Variants in NCAPD3 observed in about 807,000 individuals in gnomAD.
NCAPD3 encodes non-SMC condensin II complex subunit D3, also known as condensin-2 complex subunit D3.
A neutral mutation model predicts 182.9 loss-of-function variants in NCAPD3; 105 were observed. That is an observed-to-expected ratio of 0.57 (90% CI 0.49 to 0.68). The LOEUF (loss-of-function observed/expected upper bound fraction) is 0.68. Ranked by LOEUF, NCAPD3 falls within the 30% of genes least tolerant of loss-of-function variation. The pLI, the probability that NCAPD3 is intolerant of heterozygous loss-of-function variation, is 0.00. For synonymous variants in NCAPD3, 815 were observed against 679.9 expected (o/e 1.20, Z -3.09); for missense variants, 1,944 against 1,837.0 (o/e 1.06, Z -1.07).
At chr11:134,157,281 C>G (rs1298586551) in intron 31 of NCAPD3, among the ~76,000 whole-genome samples, 186 bp from the exon 32 acceptor site, 1 of 152,068 alleles carries the variant, frequency 6.6e-6, no homozygotes, top group Non-Finnish European at 1.5e-5. Context: ...AATGTCCATT[C>G]TCATTAGGAT....
At chr11:134,213,748 C>G (rs1371232027) in intron 3 of NCAPD3, among the ~76,000 whole-genome samples, 1 of 151,924 alleles carries the variant, frequency 6.6e-6, no homozygotes, top group Non-Finnish European at 1.5e-5. Context: ...ATGTACCAAC[C>G]AAGGACAAAT....
chr11:134,210,487 G>A lies in NCAPD3; in HGVS notation c.383-33C>T. The A allele has an allele frequency of 1.9e-6, 3 of 1,567,950 alleles. No individual in the cohort carries two copies. In the South Asian group the frequency reaches 3.4e-5, roughly 18 times the overall value. On this transcript the variant is annotated intron_variant, in intron 3 of 34. Transcript: ENST00000534548. ...TGAGGAATAAAGAGTAAGCAAGTTA[G>A]ATTTAATTGTCTTGAAATATATCTA... is the stretch of plus-strand genomic sequence containing the variant.
rs769217817 is a variant in NCAPD3 at position 134,192,816 on chromosome 11, G to T, written c.1918C>A (p.Leu640Met). The change falls in exon 16 of 35, where the codon CTG becomes ATG. Residue 640 changes from leucine to methionine, a missense_variant. Leu to Met is a conservative substitution (Grantham distance 15). Coordinates refer to ENST00000534548, the MANE Select transcript of NCAPD3 (RefSeq NM_015261.3). ...DCESTVQEKA[L>M]EFLDQLLLQN... is the part of the protein sequence containing the mutation. ...AGCAGCAGCTGGTCCAGGAACTCCA[G>T]GGCCTTCTCCTGCACAGTGCTCTCG... The T allele has an allele frequency of 5.0e-6, 8 of 1,614,076 alleles. No individual in the cohort carries two copies.
At chr11:134,160,477 G>T (rs1031065675) in intron 28 of NCAPD3, among the ~76,000 whole-genome samples, 5 of 152,124 alleles carry the variant, frequency 3.3e-5, no homozygotes, top group Non-Finnish European at 5.9e-5. Context: ...CACAGCCTCT[G>T]GAGCAAGTCC....
In NCAPD3 at chr11:134,153,333, C is replaced by A. The variant is rs1226535740; in HGVS notation, c.4283G>T (p.Gly1428Val). The A allele has an allele frequency of 8.1e-6, 13 of 1,614,040 alleles. No individual in the cohort carries two copies. The highest frequency in any genetic ancestry group is 1.3e-5 in the African/African-American group (1 of 74,920). The change falls in exon 33 of 35, where the codon GGG (glycine) becomes GTG (valine). Residue 1428 changes from glycine to valine, a missense_variant. Around this residue, in one of 3 missense-constraint regions of NCAPD3, gnomAD observed 1,803 missense variants for 1,674.6 expected, o/e 1.08. Transcript: ENST00000534548. Reference protein sequence around the residue: ...KSISDVTFGAGVSYIGTPRTP... With the variant: ...KSISDVTFGAVVSYIGTPRTP... ...CCGTGGTGTCCCGATGTAACTGACC[C>A]CTGCTCCAAACGTGACATCACTGAT...
At chr11:134,165,440 G>T (rs535505816) in intron 27 of NCAPD3, among the ~76,000 whole-genome samples, 2 of 148,730 alleles carry the variant, frequency 1.3e-5, no homozygotes, top group South Asian at 4.4e-4. Context: ...CTCGTGAGAT[G>T]AGCTTAGGGG....
chr11:134,181,165 C>T lies in NCAPD3; in HGVS notation c.2471G>A (p.Cys824Tyr). The change falls in exon 20 of 35, where the codon TGT (cysteine) becomes TAT (tyrosine). Residue 824 changes from cysteine to tyrosine, a missense_variant. By Grantham distance (194) the Cys-to-Tyr change is radical. This residue lies in a region of NCAPD3 where 1,803 missense variants were observed against 1,674.6 expected (regional missense o/e 1.08). Transcript: ENST00000534548. ...CTCGCAGGTGGAGAGTACATCCCCA[C>T]ACACCTGCGTCAGCAATTCCTACGG... ...AEEQELLTQV[C>Y]GDVLSTCEHR... 2 of 1,613,880 alleles carry T rather than the reference C, an allele frequency of 1.2e-6. No homozygotes were observed. Among genetic ancestry groups the T allele is most frequent in the Non-Finnish European group, 1.7e-6 (2 of 1,179,836 alleles).
chr11:134,197,853 C>G (rs550403982), intron 13 of NCAPD3, among the ~76,000 whole-genome samples: 1 of 152,282 alleles, frequency 6.6e-6, no homozygotes, highest in South Asian at 2.1e-4. Context: ...GATAAAAACT[C>G]AGCAAGCTTG....
intron 16 of NCAPD3, among the ~76,000 whole-genome samples, chr11:134,188,529 C>A (rs940805018): frequency 2.6e-5 from 4 of 152,236 alleles, no homozygotes; most frequent in Admixed American, 2.0e-4. Context: ...TGAACTGTAA[C>A]ACCGCAAGGG....
intron 29 of NCAPD3, among the ~76,000 whole-genome samples, chr11:134,159,354 TAAGTA>T (rs531990500): frequency 1.0e-3 from 153 of 152,380 alleles, no homozygotes; most frequent in African/African-American, 3.5e-3. Context: ...AGCAAGTCCA[TAAGTA>T]ATGTACTTTG....
At chr11:134,183,889 T>C (rs1944346215) in intron 19 of NCAPD3, among the ~76,000 whole-genome samples, 2 of 152,196 alleles carry the variant, frequency 1.3e-5, no homozygotes, top group Admixed American at 6.5e-5. Flanking sequence ...TTTCTTTTAT[T>C]CTGGAAAACT....
intron 19 of NCAPD3, among the ~76,000 whole-genome samples, chr11:134,183,448 A>G (rs1944338660): frequency 6.6e-6 from 1 of 152,126 alleles, no homozygotes; most frequent in Admixed American, 6.6e-5. Flanking sequence ...TGTGCCTGTA[A>G]TCCCAGCTAC....
chr11:134,212,375 T>TTTTG (rs1555142796), intron 3 of NCAPD3, among the ~76,000 whole-genome samples: 4 of 143,172 alleles, frequency 2.8e-5, no homozygotes, highest in Non-Finnish European at 6.1e-5. Context: ...TTTTGTTGTT[T>TTTTG]TGTGTGTGTG....
Position 134,194,645 on chromosome 11 carries a change from T to C in NCAPD3, c.1689+20A>G, listed in dbSNP as rs1125399. On this transcript the variant is annotated intron_variant, in intron 14 of 34. Coordinates refer to ENST00000534548, the MANE Select transcript of NCAPD3 (RefSeq NM_015261.3). ...AGTTTTTAGTGCTTAAAAAAAAAAATGTGCAGAGAAAACTCCCACCTGCAG... is the reference window on the plus strand; with the variant it reads ...AGTTTTTAGTGCTTAAAAAAAAAAACGTGCAGAGAAAACTCCCACCTGCAG... The C allele has an allele frequency of 0.23, 349,320 of 1,522,142 alleles. 42,704 individuals carry two copies. The highest frequency in any genetic ancestry group is 0.39 in the African/African-American group (26,946 of 69,922). The allele number at this position is 1,522,142 out of a possible 1,614,324, so 94.3% of individuals were successfully genotyped here.
chr11:134,168,663 C>T lies in NCAPD3; in HGVS notation c.3240-61G>A, dbSNP rs926487706. 30 of 1,601,296 alleles carry T rather than the reference C, an allele frequency of 1.9e-5. No individual in the cohort carries two copies. The East Asian group carries it at 5.1e-4, about 27-fold the overall frequency. ...GGGCACGGGTGTAAGGGATTTAACA[C>T]TGCACTTTAACTGCATCCTAAAAGC... is the stretch of plus-strand genomic sequence containing the variant. On this transcript the variant is annotated intron_variant, in intron 25 of 34. Transcript: ENST00000534548.
intron 16 of NCAPD3, among the ~76,000 whole-genome samples, chr11:134,190,704 T>C (rs557155250): frequency 7.9e-5 from 12 of 152,344 alleles, no homozygotes; most frequent in African/African-American, 2.4e-4. Context: ...CTCAAACTCC[T>C]GGTCTTAAGC....
At position 134,208,876 on chromosome 11, in the gene NCAPD3, T is replaced by C. The variant is rs750538235; in HGVS notation, c.870A>G (p.Gly290=). 9.9e-6 allele frequency: 16 copies of C among 1,612,342 alleles called. No homozygotes were observed. Among genetic ancestry groups the C allele is most frequent in the Non-Finnish European group, 1.2e-5 (14 of 1,179,150 alleles). The change falls in exon 7 of 35, where the codon GGA becomes GGG. Residue 290 remains glycine, a synonymous_variant. Coordinates refer to ENST00000534548, the MANE Select transcript of NCAPD3 (RefSeq NM_015261.3). ...TCATCTCCTTTACCTTATCTCCTTC[T>C]CCATGAATGGGAGAGCACAGCAAAT... The part of the protein sequence containing the change: ...GLYLLCSPIH[G]EGDKVISCVF...
At chr11:134,220,776 A>T (rs776993180) in intron 1 of NCAPD3, 50 bp from the exon 2 acceptor site, 1 of 1,551,462 alleles carries the variant, frequency 6.4e-7, no homozygotes, top group Non-Finnish European at 8.8e-7. Flanking sequence ...CAAGTAAAAA[A>T]ACTAGTCACC....
rs2136018772 is a variant in NCAPD3, at chr11:134,209,132, T to C, written c.794+13A>G. 6.2e-7 allele frequency: 1 copy of C among 1,610,538 alleles called. No homozygotes were observed. Among genetic ancestry groups the C allele is most frequent in the East Asian group, 2.2e-5 (1 of 44,820 alleles). On this transcript the variant is annotated intron_variant, in intron 6 of 34. Coordinates refer to ENST00000534548, the MANE Select transcript of NCAPD3 (RefSeq NM_015261.3). Reference sequence around the variant, plus strand: ...ATACTTAAATTGTAGCACTGGAAGATTTAATGGCTCACCTGGCTTGTGTAA... The same window carrying C: ...ATACTTAAATTGTAGCACTGGAAGACTTAATGGCTCACCTGGCTTGTGTAA...
Sources: allele counts gnomAD v4.1 joint callset (sites outside exome capture counted in the v4.1 genomes callset), GRCh38; gene constraint gnomAD v4.1.1; regional missense constraint gnomAD v4.1.1; transcripts MANE v1.5; gene names NCBI Gene and HGNC (gene_info 2026-07-23, HGNC 2026-07-21).